SYNC: variants seen among roughly 807,000 people sequenced by gnomAD.
The protein encoded by SYNC is syncoilin, intermediate filament protein.
Under a neutral mutation model 49.5 loss-of-function variants are expected in SYNC, and 38 were observed. The observed-to-expected ratio is 0.77, with a 90% CI of 0.59 to 1.01. SYNC has a LOEUF of 1.01. Among genes scored for constraint, SYNC ranks in the 50% least tolerant of loss-of-function variants. SYNC has a pLI of 0.00. For missense variants in SYNC, 579 were observed against 580.6 expected, an observed-to-expected ratio of 1.00 and a Z score of 0.03; for synonymous variants, 201 against 230.8, an observed-to-expected ratio of 0.87 and a Z score of 1.17.
At chr1:32,696,369 C>T (rs1570923590) in intron 1 of SYNC, among the ~76,000 whole-genome samples, 1 of 151,908 alleles carries the variant, frequency 6.6e-6, no homozygotes. Flanking sequence ...GGCTGGAGTG[C>T]AATAGCGTGA....
At chr1:32,692,221 C>T (rs1237445575) in intron 2 of SYNC, among the ~76,000 whole-genome samples, 1 of 151,942 alleles carries the variant, frequency 6.6e-6, no homozygotes, top group Non-Finnish European at 1.5e-5. Flanking sequence ...GTGACAGACT[C>T]CGTCTCAAAA....
chr1:32,701,665 G>A (rs779100499), intron 1 of SYNC, among the ~76,000 whole-genome samples: 35 of 152,184 alleles, frequency 2.3e-4, no homozygotes, highest in Non-Finnish European at 4.4e-4. Flanking sequence ...AGAGAGAGGA[G>A]GGAAAGAAGC....
At position 32,681,880 on chromosome 1, in the gene SYNC, A is replaced by T; in HGVS notation, c.1439-20T>A. ...CAGCCCCTGTAAAGTTGAAAGAAAA[A>T]GTTTATAACAGTGAACTTCTGAGGT... is the stretch of plus-strand genomic sequence containing the variant. On this transcript the variant is annotated intron_variant, in intron 4 of 4. Transcript: ENST00000409190. 1 of 1,608,506 alleles carries T rather than the reference A, an allele frequency of 6.2e-7. No individual in the cohort carries two copies. The highest frequency in any genetic ancestry group is 2.2e-5 in the East Asian group (1 of 44,844).
chr1:32,680,252 C>G lies in SYNC; in HGVS notation c.*1598G>C. ...AGTTAAGTCAAAACAACACGTTCCT[C>G]TTTCCCCATATATTCATATATTTTT... On this transcript the variant is annotated 3_prime_UTR_variant, in exon 5 of 5. Coordinates refer to ENST00000409190, the MANE Select transcript of SYNC (RefSeq NM_030786.3). 1 of 1,187,630 alleles carries G rather than the reference C, an allele frequency of 8.4e-7. No homozygotes were observed. Among genetic ancestry groups the G allele is most frequent in the Non-Finnish European group, 1.0e-6 (1 of 958,176 alleles). The allele number at this position is 1,187,630 out of a possible 1,614,324, so 73.6% of individuals were successfully genotyped here.
rs201100379 is a variant in SYNC, at chr1:32,684,187, A to G, written c.1358+71T>C. 829 of 1,605,600 alleles carry G rather than the reference A, an allele frequency of 5.2e-4. 1 individual carries two copies. Among genetic ancestry groups the G allele is most frequent in the South Asian group, 6.7e-4 (61 of 90,454 alleles). On this transcript the variant is annotated intron_variant, in intron 3 of 4. Coordinates refer to ENST00000409190, the MANE Select transcript of SYNC (RefSeq NM_030786.3). ...TTTTTGTTTTTGATTCTAAGGTAAAATTTTCCCTAAGCCCTCCCACCATCC... is the reference window on the plus strand; with the variant it reads ...TTTTTGTTTTTGATTCTAAGGTAAAGTTTTCCCTAAGCCCTCCCACCATCC...
Position 32,680,673 on chromosome 1 carries a change from A to G in SYNC, c.*1177T>C. The G allele has an allele frequency of 1.2e-6, 1 of 857,332 alleles. No individual in the cohort carries two copies. Among genetic ancestry groups the G allele is most frequent in the East Asian group, 2.8e-5 (1 of 35,590 alleles). 53.1% of individuals were successfully genotyped at this position (857,332 alleles called of 1,614,324 possible). ...ACATAACCCCATGCTGATGGGTTTT[A>G]TTTAGTATAAAACATCCATCAAACA... is the stretch of plus-strand genomic sequence containing the variant. On this transcript the variant is annotated 3_prime_UTR_variant, in exon 5 of 5. Transcript: ENST00000409190.
rs1650346245 is a variant in SYNC at position 32,695,109 on chromosome 1, T to C, written c.989A>G (p.Asn330Ser). The change falls in exon 2 of 5, where the codon AAT (asparagine) becomes AGT (serine). Residue 330 changes from asparagine (N) to serine (S), a missense_variant. By Grantham distance (46) the Asn-to-Ser change is conservative (BLOSUM62 1). Coordinates refer to ENST00000409190, the MANE Select transcript of SYNC (RefSeq NM_030786.3). ...GTCCTGGCGGCTCTCTGCCATGAGATTTTCAAACTGGGCAGAGAGTCGCCG... is the reference window on the plus strand; with the variant it reads ...GTCCTGGCGGCTCTCTGCCATGAGACTTTCAAACTGGGCAGAGAGTCGCCG... ...ESRRLSAQFENLMAESRQDLE... is the reference protein window; with the variant it reads ...ESRRLSAQFESLMAESRQDLE... 1 of 1,612,728 alleles carries C rather than the reference T, an allele frequency of 6.2e-7. No individual in the cohort carries two copies. The highest frequency in any genetic ancestry group is 1.3e-5 in the African/African-American group (1 of 74,812).
chr1:32,702,540 G>T lies in SYNC; in HGVS notation c.53+68C>A. ...GGCGAAAGACGCCCGCGGTCGGGGG[G>T]AAAGGGAACCCGTCCAGCAGCACCC... On this transcript the variant is annotated intron_variant, in intron 1 of 4. Transcript: ENST00000409190. The surrounding 1 kb of genome is among the most constrained non-coding windows in gnomAD (Gnocchi z 6.2). 1 of 1,187,210 alleles carries T rather than the reference G, an allele frequency of 8.4e-7. No homozygotes were observed. The highest frequency in any genetic ancestry group is 1.0e-6 in the Non-Finnish European group (1 of 956,822). The allele number at this position is 1,187,210 out of a possible 1,614,324, so 73.5% of individuals were successfully genotyped here.
Position 32,681,065 on chromosome 1 carries a change from C to T in SYNC, c.*785G>A, listed in dbSNP as rs1366133458. ...CTTTACTTAGGTTAGAAATAATAGG[C>T]TTTGAAGGCCTCTATCACCAGATGC... On this transcript the variant is annotated 3_prime_UTR_variant, in exon 5 of 5. Transcript: ENST00000409190. The T allele has an allele frequency of 1.3e-5, 2 of 152,774 alleles. No homozygotes were observed. Among genetic ancestry groups the T allele is most frequent in the African/African-American group, 4.8e-5 (2 of 41,440 alleles). The allele number at this position is 152,774 out of a possible 1,614,324, so 9.5% of individuals were successfully genotyped here.
chr1:32,684,165 T>C (rs1377689368), intron 3 of SYNC, 76 bp from the exon 4 acceptor site: 1 of 1,606,028 alleles, frequency 6.2e-7, no homozygotes, highest in East Asian at 2.2e-5. Flanking sequence ...AATCCTCTTT[T>C]TGTTTTTGAT....
chr1:32,687,852 A>ATT (rs1557871631), intron 2 of SYNC, among the ~76,000 whole-genome samples: 1 of 31,116 alleles, frequency 3.2e-5, no homozygotes, highest in South Asian at 2.3e-3. Context: ...TATTATTATT[A>ATT]TTATTATTAT....
At chr1:32,692,619 G>T (rs897863850) in intron 2 of SYNC, among the ~76,000 whole-genome samples, 1 of 151,842 alleles carries the variant, frequency 6.6e-6, no homozygotes, top group African/African-American at 2.4e-5. Context: ...GGTGGCACAG[G>T]TCTGCAATCC....
intron 1 of SYNC, among the ~76,000 whole-genome samples, chr1:32,698,194 G>C (rs1487671910): frequency 1.5e-5 from 2 of 135,014 alleles, no homozygotes; most frequent in Admixed American, 8.0e-5. Flanking sequence ...CAGCCTGGGC[G>C]ACAGACCGGG....
upstream of SYNC, chr1:32,703,086 G>C (rs1212493171): frequency 1.3e-5 from 2 of 152,250 alleles, no homozygotes; most frequent in Non-Finnish European, 2.9e-5. Flanking sequence ...AAGGGAGCCA[G>C]CACCCCTCTC....
rs916793009 is a variant in SYNC at position 32,681,636 on chromosome 1, T to C, written c.*214A>G. 2 of 664,014 alleles carry C rather than the reference T, an allele frequency of 3.0e-6. No homozygotes were observed. Among genetic ancestry groups the C allele is most frequent in the Admixed American group, 2.8e-5 (1 of 35,492 alleles). The allele number at this position is 664,014 out of a possible 1,614,324, so 41.1% of individuals were successfully genotyped here. The stretch of plus-strand genomic sequence containing the variant: ...AGATCAGTATCAACAGCAGATGAAA[T>C]AGAATCCAGCAAAGAGTTGACATGT... On this transcript the variant is annotated 3_prime_UTR_variant, in exon 5 of 5. Coordinates refer to ENST00000409190, the MANE Select transcript of SYNC (RefSeq NM_030786.3).
chr1:32,683,686 T>TACA (rs1649604934), intron 4 of SYNC: 1 of 228,126 alleles, frequency 4.4e-6, no homozygotes, highest in Non-Finnish European at 8.7e-6. Context: ...CAAGCTGGAG[T>TACA]GCTGTATTGT....
In SYNC at chr1:32,690,584, C is replaced by T. The variant is rs141315733; in HGVS notation, c.1233+4281G>A. On this transcript the variant is annotated intron_variant, in intron 2 of 4. Transcript: ENST00000409190. The stretch of plus-strand genomic sequence containing the variant: ...CACTTGACCCGGGAGGCGGAGATTT[C>T]GGTGAGCCAAGATCATGCCACTGCA... 5.1e-3 allele frequency among the ~76,000 whole-genome samples: 761 copies of T among 150,098 alleles called. 7 individuals are homozygous for T. The highest frequency in any genetic ancestry group is 0.018 in the African/African-American group (735 of 40,740).
At chr1:32,696,369 CA>C (rs1233868651) in intron 1 of SYNC, among the ~76,000 whole-genome samples, 2 of 151,908 alleles carry the variant, frequency 1.3e-5, no homozygotes, top group African/African-American at 4.8e-5. Flanking sequence ...GGCTGGAGTG[CA>C]ATAGCGTGAT....
upstream of SYNC, chr1:32,702,874 C>T: frequency 5.1e-6 from 1 of 196,468 alleles, no homozygotes; most frequent in Non-Finnish European, 9.7e-6. This position sits in a 1 kb window ranked among gnomAD's most constrained non-coding sequence, Gnocchi z 6.2. Flanking sequence ...CCCTCCCGGA[C>T]CAGCCTGGGG....
Sources: allele counts gnomAD v4.1 joint callset (sites outside exome capture counted in the v4.1 genomes callset), GRCh38; gene constraint gnomAD v4.1.1; non-coding constraint Gnocchi (gnomAD v3.1); transcripts MANE v1.5; gene names NCBI Gene and HGNC (gene_info 2026-07-23, HGNC 2026-07-21).